Variants in CLVS1 observed in about 807,000 individuals in gnomAD.
CLVS1 encodes clavesin 1.
In CLVS1, 10 loss-of-function variants were observed where a neutral mutation model predicts 33.1. The ratio of observed to expected loss-of-function variants is 0.30; its 90% CI spans 0.19 to 0.51. The LOEUF (loss-of-function observed/expected upper bound fraction) is 0.51. CLVS1 is among the 20% of genes least tolerant of loss of function. The probability of loss-of-function intolerance (pLI) is 0.97; values close to 1 mark genes in which losing one functional copy is unlikely to be tolerated. For missense variants in CLVS1, 343 were observed against 433.4 expected, an observed-to-expected ratio of 0.79 and a Z score of 1.85; for synonymous variants, 163 against 166.1, an observed-to-expected ratio of 0.98 and a Z score of 0.14.
intron 2 of CLVS1, among the ~76,000 whole-genome samples, chr8:61,366,728 T>G (rs1015374130): frequency 1.3e-5 from 2 of 152,162 alleles, no homozygotes; most frequent in African/African-American, 4.8e-5. Flanking sequence ...ACCCCCAGCT[T>G]GGTTGGAGCT....
At chr8:61,010,618 G>A in the CLVS1 span, among the ~76,000 whole-genome samples, 40 of 152,220 alleles carry the variant, frequency 2.6e-4, no homozygotes, top group Non-Finnish European at 5.4e-4. Flanking sequence ...TGTCCTTACT[G>A]TTGCCCATTT....
chr8:61,162,642 G>A (rs376421442), intron 2 of CLVS1, among the ~76,000 whole-genome samples: 165 of 152,346 alleles, frequency 1.1e-3, no homozygotes, highest in African/African-American at 3.8e-3. Context: ...AGCAACTCCA[G>A]TGTATTTTTA....
chr8:61,254,267 T>C (rs1358769947), intron 2 of CLVS1, among the ~76,000 whole-genome samples: 1 of 152,200 alleles, frequency 6.6e-6, no homozygotes, highest in Non-Finnish European at 1.5e-5. Flanking sequence ...TGCTGCCTGA[T>C]CTTTCCTCTG....
rs116684883 is a variant in CLVS1, at chr8:61,358,776, G to A, written c.456-17829G>A. On this transcript the variant is annotated intron_variant, in intron 2 of 5. Transcript: ENST00000325897. ...AAGTGATCAAGACACTATGAGGCTG[G>A]GTGTTGGATACATCAGGCACATAGA... 7.7e-3 allele frequency among the ~76,000 whole-genome samples: 1,178 copies of A among 152,234 alleles called. 15 individuals carry two copies. The highest frequency in any genetic ancestry group is 0.026 in the African/African-American group (1,096 of 41,528).
intron 1 of CLVS1, among the ~76,000 whole-genome samples, chr8:61,109,010 C>A (rs530126631): frequency 6.6e-6 from 1 of 152,166 alleles, no homozygotes; most frequent in Admixed American, 6.5e-5. Flanking sequence ...TTCCCATCCC[C>A]GTTGGGATTC....
chr8:61,348,713 T>A (rs1812329810), intron 2 of CLVS1, among the ~76,000 whole-genome samples: 2 of 152,116 alleles, frequency 1.3e-5, no homozygotes, highest in African/African-American at 4.8e-5. Flanking sequence ...GACATACTGA[T>A]TTCATGTCCT....
intron 1 of CLVS1, among the ~76,000 whole-genome samples, chr8:61,115,868 A>C (rs111416635): frequency 0.022 from 3,181 of 147,134 alleles, 118 homozygotes; most frequent in African/African-American, 0.079. Flanking sequence ...AGCATGATTT[A>C]TAGTCCTTTG....
At chr8:61,008,979 T>C in the CLVS1 span, among the ~76,000 whole-genome samples, 1 of 152,190 alleles carries the variant, frequency 6.6e-6, no homozygotes, top group Non-Finnish European at 1.5e-5. Flanking sequence ...ATACCTAATC[T>C]CTTTTGACCA....
intron 2 of CLVS1, among the ~76,000 whole-genome samples, chr8:61,352,745 C>G (rs1196930797): frequency 2.0e-5 from 3 of 151,782 alleles, no homozygotes; most frequent in African/African-American, 4.8e-5. Context: ...ACAGATTCAA[C>G]AAATGGTGGA....
chr8:61,475,442 C>T (rs1415081484), intron 5 of CLVS1, among the ~76,000 whole-genome samples: 3 of 152,114 alleles, frequency 2.0e-5, no homozygotes, highest in Admixed American at 6.6e-5. Flanking sequence ...TTTCTCCACA[C>T]CCTCTCCAGC....
chr8:61,478,527 A>G (rs1158035331), intron 5 of CLVS1, among the ~76,000 whole-genome samples: 1 of 152,150 alleles, frequency 6.6e-6, no homozygotes, highest in Non-Finnish European at 1.5e-5. Context: ...TATATTTAGG[A>G]TAGTTAGTTC....
At chr8:60,998,936 G>A in the CLVS1 span, among the ~76,000 whole-genome samples, 1 of 152,000 alleles carries the variant, frequency 6.6e-6, no homozygotes, top group Non-Finnish European at 1.5e-5. Flanking sequence ...ACACATTGAG[G>A]ATGAGAAAAA....
chr8:61,290,691 G>A (rs371083726), intron 1 of CLVS1, among the ~76,000 whole-genome samples: 57 of 152,286 alleles, frequency 3.7e-4, no homozygotes, highest in African/African-American at 1.2e-3. Flanking sequence ...ATGGATCCAG[G>A]CTGACTTTGA....
At chr8:61,493,391 A>G (rs1804162594) in intron 5 of CLVS1, among the ~76,000 whole-genome samples, 1 of 152,256 alleles carries the variant, frequency 6.6e-6, no homozygotes. Context: ...GAAGAATAAT[A>G]AGAGCTAAAA....
intron 1 of CLVS1, among the ~76,000 whole-genome samples, chr8:61,118,244 C>G (rs1043037548): frequency 9.9e-5 from 15 of 152,024 alleles, no homozygotes; most frequent in African/African-American, 3.4e-4. Context: ...TTTATTGCGT[C>G]TATTAGATTC....
At chr8:61,181,821 T>A (rs1018107497) in intron 2 of CLVS1, among the ~76,000 whole-genome samples, 6 of 149,330 alleles carry the variant, frequency 4.0e-5, no homozygotes, top group Admixed American at 6.8e-5. Context: ...TGCCTCAGCC[T>A]CCCGAGTAGC....
chr8:61,288,174 C>G (rs963307160), intron 1 of CLVS1, 36 bp downstream of exon 1: 5 of 456,176 alleles, frequency 1.1e-5, no homozygotes, highest in South Asian at 3.1e-5. Context: ...CTGTATTTGC[C>G]GAGCCTCCCC....
chr8:61,070,129 C>T (rs569847427), intron 1 of CLVS1, among the ~76,000 whole-genome samples: 1 of 152,140 alleles, frequency 6.6e-6, no homozygotes. Flanking sequence ...TTTTATCTCC[C>T]CTTGGCTGCC....
At chr8:61,068,349 T>C (rs1585585265) in intron 1 of CLVS1, among the ~76,000 whole-genome samples, 1 of 151,322 alleles carries the variant, frequency 6.6e-6, no homozygotes, top group East Asian at 1.9e-4. Context: ...TGGCTAAGAC[T>C]CCAGGGCGGG....
Sources: gnomAD v4.1 joint callset for allele counts (sites outside exome capture counted in the v4.1 genomes callset) on GRCh38, gnomAD v4.1.1 for gene constraint, MANE v1.5 for transcripts, NCBI Gene and HGNC (gene_info 2026-07-23, HGNC 2026-07-21) for gene names.